Variants in YWHAQ observed in about 807,000 individuals in gnomAD.
YWHAQ encodes tyrosine 3-monooxygenase/tryptophan 5-monooxygenase activation protein theta.
In YWHAQ, 6 loss-of-function variants were observed where a neutral mutation model predicts 28.3. The ratio of observed to expected loss-of-function variants is 0.21; its 90% CI spans 0.12 to 0.42. YWHAQ has a LOEUF of 0.42. YWHAQ is among the 10% of genes least tolerant of loss of function. YWHAQ has a pLI of 1.00. For missense variants in YWHAQ, 201 were observed against 305.6 expected (o/e 0.66, Z 2.55); for synonymous variants, 143 against 119.1 (o/e 1.20, Z -1.31).
At position 9,630,497 on chromosome 2, in the gene YWHAQ, G is replaced by A. The variant is rs755053877; in HGVS notation, c.-45C>T. The A allele has an allele frequency of 5.3e-6, 8 of 1,503,282 alleles. No individual in the cohort carries two copies. The highest frequency in any genetic ancestry group is 7.1e-6 in the Non-Finnish European group (8 of 1,129,220). 93.1% of individuals were successfully genotyped at this position (1,503,282 alleles called of 1,614,324 possible). A position where few individuals can be genotyped will look rare whatever the true frequency, so the allele number is the denominator to read the frequency against. ...CCGGGGCGGAGGGCGAGGAGAGCGA[G>A]GGCGAGCGCCGACCCGCAGCGGGAG... On this transcript the variant is annotated 5_prime_UTR_variant, in exon 2 of 6. Transcript: ENST00000238081. This position sits in a 1 kb window ranked among gnomAD's most constrained non-coding sequence, Gnocchi z 5.6.
intron 2 of YWHAQ, among the ~76,000 whole-genome samples, chr2:9,607,965 C>G (rs1442083199): frequency 6.6e-6 from 1 of 152,056 alleles, no homozygotes; most frequent in East Asian, 1.9e-4. Context: ...ACCTCAGCCT[C>G]CCAAAGTGCT....
chr2:9,588,214 T>C lies in YWHAQ; in HGVS notation c.533A>G (p.Tyr178Cys). ...CTCTGGGTTATTAAGAATCTCATAG[T>C]AAAATACAGAAAAGTTAAGAGCAAG... ...LGLALNFSVF[Y>C]YEILNNPELA... The change falls in exon 4 of 6, where the codon TAC becomes TGC. Residue 178 changes from tyrosine to cysteine, a missense_variant. By Grantham distance (194) the Tyr-to-Cys change is radical. Transcript: ENST00000238081. The C allele has an allele frequency of 1.3e-6, 2 of 1,596,336 alleles. No individual in the cohort carries two copies. Among genetic ancestry groups the C allele is most frequent in the Non-Finnish European group, 1.7e-6 (2 of 1,174,536 alleles).
At chr2:9,618,349 T>C (rs1434449663) in intron 2 of YWHAQ, among the ~76,000 whole-genome samples, 2 of 152,358 alleles carry the variant, frequency 1.3e-5, no homozygotes, top group East Asian at 3.8e-4. Context: ...GGATAGTATC[T>C]GCAACTAAGC....
intron 2 of YWHAQ, chr2:9,628,729 C>T (rs918403281): frequency 5.3e-5 from 8 of 152,232 alleles, no homozygotes; most frequent in East Asian, 1.9e-4. Context: ...TTTTTTAATA[C>T]GAGCAATTCA....
chr2:9,614,261 T>C, intron 2 of YWHAQ, among the ~76,000 whole-genome samples: 1 of 152,184 alleles, frequency 6.6e-6, no homozygotes, highest in Non-Finnish European at 1.5e-5. Flanking sequence ...CAATTACACA[T>C]ACATCACCAT....
At chr2:9,599,360 T>C (rs996933584) in intron 2 of YWHAQ, among the ~76,000 whole-genome samples, 10 of 152,190 alleles carry the variant, frequency 6.6e-5, no homozygotes, top group Non-Finnish European at 1.3e-4. Flanking sequence ...TGAATGAAGA[T>C]GGCTACACAA....
In YWHAQ at chr2:9,600,024, A is replaced by G. The variant is rs75066707; in HGVS notation, c.295-8509T>C. On this transcript the variant is annotated intron_variant, in intron 2 of 5. Transcript: ENST00000238081. ...ATATTAACATTAACAACAGTTTGGA[A>G]GAAGCTGATTTCTACTCTCATGAAT... 2.0e-3 allele frequency among the ~76,000 whole-genome samples: 305 copies of G among 152,358 alleles called. 2 individuals are homozygous for G. The highest frequency in any genetic ancestry group is 7.2e-3 in the African/African-American group (299 of 41,586).
chr2:9,585,023 ACAT>A lies in YWHAQ; in HGVS notation c.*260_*262del. On this transcript the variant is annotated 3_prime_UTR_variant, in exon 6 of 6. Transcript: ENST00000238081. ...ATACCAGATACATTTTTAGTCCTCTACATAAGTGTTTGGGAGTTACTTATGTTT... is the reference window on the plus strand; with the variant it reads ...ATACCAGATACATTTTTAGTCCTCTAAAGTGTTTGGGAGTTACTTATGTTT... The A allele has an allele frequency of 2.2e-6, 1 of 450,612 alleles. No individual in the cohort carries two copies. Among genetic ancestry groups the A allele is most frequent in the Middle Eastern group, 6.2e-4 (1 of 1,626 alleles). The allele number at this position is 450,612 out of a possible 1,614,324, so 27.9% of individuals were successfully genotyped here. A position where few individuals can be genotyped will look rare whatever the true frequency, so the allele number is the denominator to read the frequency against.
In YWHAQ at chr2:9,630,431, G is replaced by C. The variant is rs1333653992; in HGVS notation, c.22C>G (p.Gln8Glu). Residue 8 changes from glutamine (Q) to glutamate (E), a missense_variant, in exon 2 of 6, where the codon CAG becomes GAG. This residue lies in a region of YWHAQ where 162 missense variants were observed against 213.9 expected (regional missense o/e 0.76). Transcript: ENST00000238081. This position sits in a 1 kb window ranked among gnomAD's most constrained non-coding sequence, Gnocchi z 5.6. ...GCCTGCTCGGCCAGCTTGGCCTTCTGGATCAGCTCAGTCTTCTCCATGGCG... is the reference window on the plus strand; with the variant it reads ...GCCTGCTCGGCCAGCTTGGCCTTCTCGATCAGCTCAGTCTTCTCCATGGCG... MEKTELI[Q>E]KAKLAEQAER... 2 of 1,611,072 alleles carry C rather than the reference G, an allele frequency of 1.2e-6. No homozygotes were observed. Among genetic ancestry groups the C allele is most frequent in the Non-Finnish European group, 1.7e-6 (2 of 1,179,856 alleles).
At chr2:9,611,139 C>A (rs916739155) in intron 2 of YWHAQ, among the ~76,000 whole-genome samples, 5 of 152,130 alleles carry the variant, frequency 3.3e-5, no homozygotes, top group Admixed American at 2.0e-4. Flanking sequence ...CATAAGGACA[C>A]TGAAGGATCC....
intron 2 of YWHAQ, among the ~76,000 whole-genome samples, chr2:9,602,865 ATATATATATATATATATATATATATAT>A (rs1666741879): frequency 2.9e-4 from 3 of 10,470 alleles, no homozygotes; most frequent in Non-Finnish European, 5.9e-4. Flanking sequence ...AAAAAAAAAT[ATATATATATATATATATATATATATAT>A]ATATATATAT....
At chr2:9,619,981 A>T (rs549034529) in intron 2 of YWHAQ, among the ~76,000 whole-genome samples, 16 of 152,368 alleles carry the variant, frequency 1.1e-4, no homozygotes, top group African/African-American at 3.8e-4. Flanking sequence ...AGTACTAATT[A>T]TTGAAGAACA....
At chr2:9,598,143 T>G (rs1421423182) in intron 2 of YWHAQ, among the ~76,000 whole-genome samples, 2 of 152,068 alleles carry the variant, frequency 1.3e-5, no homozygotes, top group Non-Finnish European at 2.9e-5. Context: ...GAAGCAAACC[T>G]TATAACCAAT....
intron 2 of YWHAQ, among the ~76,000 whole-genome samples, chr2:9,606,237 A>G (rs1429182481): frequency 2.0e-5 from 3 of 152,122 alleles, no homozygotes; most frequent in Admixed American, 2.0e-4. Context: ...CCCATTTCTC[A>G]ACATCTTTCT....
intron 2 of YWHAQ, among the ~76,000 whole-genome samples, chr2:9,622,315 A>G (rs1667156751): frequency 6.6e-6 from 1 of 152,164 alleles, no homozygotes; most frequent in Admixed American, 6.5e-5. Context: ...AATTTCATAT[A>G]AATGGAATCA....
At position 9,584,687 on chromosome 2, in the gene YWHAQ, G is replaced by A. The variant is rs1666308570; in HGVS notation, c.*599C>T. On this transcript the variant is annotated 3_prime_UTR_variant, in exon 6 of 6. Coordinates refer to ENST00000238081, the MANE Select transcript of YWHAQ (RefSeq NM_006826.4). ...CAGCAGCAAATAAAGAGTGAATAAGGAAACTCCCTGTTGCCACAGATACAC... is the reference window on the plus strand; with the variant it reads ...CAGCAGCAAATAAAGAGTGAATAAGAAAACTCCCTGTTGCCACAGATACAC... 1 of 152,590 alleles carries A rather than the reference G, an allele frequency of 6.6e-6. No individual in the cohort carries two copies. Among genetic ancestry groups the A allele is most frequent in the African/African-American group, 2.4e-5 (1 of 41,436 alleles). 9.5% of individuals were successfully genotyped at this position (152,590 alleles called of 1,614,324 possible). A position where few individuals can be genotyped will look rare whatever the true frequency, so the allele number is the denominator to read the frequency against.
rs754783750 is a variant in YWHAQ at position 9,588,192 on chromosome 2, T to C, written c.555A>G (p.Pro185=). 1 of 1,587,252 alleles carries C rather than the reference T, an allele frequency of 6.3e-7. No individual in the cohort carries two copies. The highest frequency in any genetic ancestry group is 8.5e-7 in the Non-Finnish European group (1 of 1,171,890). Residue 185 remains proline (P), a synonymous_variant, in exon 4 of 6, where the codon CCA becomes CCG. Transcript: ENST00000238081. Reference sequence around the variant, plus strand: ...TTTTAGCCAGCGTGCAGGCAAGCTCTGGGTTATTAAGAATCTCATAGTAAA... The same window carrying C: ...TTTTAGCCAGCGTGCAGGCAAGCTCCGGGTTATTAAGAATCTCATAGTAAA... ...SVFYYEILNN[P]ELACTLAKTA...
At chr2:9,595,466 A>T (rs1020678133) in intron 2 of YWHAQ, among the ~76,000 whole-genome samples, 1 of 152,138 alleles carries the variant, frequency 6.6e-6, no homozygotes, top group East Asian at 1.9e-4. Flanking sequence ...GCACTTTGGG[A>T]GGCCGAGATG....
intron 2 of YWHAQ, among the ~76,000 whole-genome samples, chr2:9,607,933 G>C (rs141716794): frequency 1.3e-5 from 2 of 151,726 alleles, no homozygotes; most frequent in African/African-American, 4.8e-5. Context: ...GGCTGGTCTC[G>C]AACTCCTGAC....
Sources: allele counts gnomAD v4.1 joint callset (sites outside exome capture counted in the v4.1 genomes callset), GRCh38; gene constraint gnomAD v4.1.1; regional missense constraint gnomAD v4.1.1; non-coding constraint Gnocchi (gnomAD v3.1); transcripts MANE v1.5; gene names NCBI Gene and HGNC (gene_info 2026-07-23, HGNC 2026-07-21).